Variants in TANC1 observed in about 807,000 individuals in gnomAD.
TANC1 encodes the protein tetratricopeptide repeat, ankyrin repeat and coiled-coil containing 1.
Under a neutral mutation model 149.7 loss-of-function variants are expected in TANC1, and 77 were observed. That is an observed-to-expected ratio of 0.51 (90% CI 0.43 to 0.62). The LOEUF (loss-of-function observed/expected upper bound fraction) is 0.62, where lower values mean the gene tolerates loss of function less well. Ranked by LOEUF, TANC1 falls within the 20% of genes least tolerant of loss-of-function variation. The pLI is 0.00. For missense variants in TANC1, 1,985 were observed against 2,321.8 expected, an observed-to-expected ratio of 0.85 and a Z score of 2.98; for synonymous variants, 854 against 925.0, an observed-to-expected ratio of 0.92 and a Z score of 1.39.
At chr2:159,217,250 G>A (rs569890461) in intron 19 of TANC1, among the ~76,000 whole-genome samples, 45 of 152,294 alleles carry the variant, frequency 3.0e-4, no homozygotes, top group African/African-American at 1.0e-3. Flanking sequence ...CATGGCATCC[G>A]AGCTCCAAGA....
chr2:159,097,816 G>A lies in TANC1; in HGVS notation c.241G>A (p.Val81Met). Residue 81 changes from valine (V) to methionine (M), a missense_variant, in exon 4 of 27, where the codon GTG (valine) becomes ATG (methionine). Val to Met is a conservative substitution (Grantham distance 21). Around this residue, in one of 3 missense-constraint regions of TANC1, gnomAD observed 557 missense variants for 612.9 expected, o/e 0.91. Transcript: ENST00000263635. ...ACAGTCTCACTTGGTGCAATCAAGA[G>A]TGAACAAAAAATCCCCAGGTAAACA... is the stretch of plus-strand genomic sequence containing the variant. ...PRQSHLVQSRVNKKSPGPVRK... is the reference protein window; with the variant it reads ...PRQSHLVQSRMNKKSPGPVRK... 6.2e-7 allele frequency: 1 copy of A among 1,612,956 alleles called. No individual in the cohort carries two copies. Among genetic ancestry groups the A allele is most frequent in the Non-Finnish European group, 8.5e-7 (1 of 1,179,302 alleles).
intron 2 of TANC1, among the ~76,000 whole-genome samples, chr2:159,028,887 G>A (rs562871111): frequency 1.3e-5 from 2 of 152,158 alleles, no homozygotes; most frequent in Non-Finnish European, 1.5e-5. Context: ...TCAAGCAGCT[G>A]AGACTATAGG....
At chr2:159,132,618 A>G (rs2050219872) in intron 4 of TANC1, among the ~76,000 whole-genome samples, 1 of 149,830 alleles carries the variant, frequency 6.7e-6, no homozygotes, top group Admixed American at 6.6e-5. Context: ...CCTCCAAAGT[A>G]GCTGGGACTA....
At chr2:158,977,900 C>A (rs1421007439) in intron 1 of TANC1, among the ~76,000 whole-genome samples, 1 of 152,086 alleles carries the variant, frequency 6.6e-6, no homozygotes, top group Non-Finnish European at 1.5e-5. Context: ...TGCCTCTTCC[C>A]TCACCCTACC....
chr2:159,150,141 A>G (rs954315490), intron 6 of TANC1: 11 of 426,288 alleles, frequency 2.6e-5, no homozygotes, highest in Middle Eastern at 6.1e-4. Flanking sequence ...ATCACAAAGG[A>G]GGGGAACCGA....
intron 3 of TANC1, among the ~76,000 whole-genome samples, chr2:159,067,682 C>G (rs557491117): frequency 3.9e-5 from 6 of 152,090 alleles, no homozygotes; most frequent in Non-Finnish European, 8.8e-5. Context: ...ATAAAGTTAC[C>G]TCCTAAGCTG....
At chr2:159,088,997 G>A (rs2045249703) in intron 3 of TANC1, among the ~76,000 whole-genome samples, 1 of 152,140 alleles carries the variant, frequency 6.6e-6, no homozygotes. Context: ...GGTGGTTGGG[G>A]GAGGCTTATC....
chr2:159,136,045 T>TGTGTGTGTGTGC lies in TANC1; in HGVS notation c.260-144_260-143insTGTGTGCGTGTG, dbSNP rs1559326068. 1.9e-3 allele frequency: 203 copies of TGTGTGTGTGTGC among 107,798 alleles called. 20 individuals are homozygous for TGTGTGTGTGTGC. The highest frequency in any genetic ancestry group is 2.2e-3 in the Non-Finnish European group (107 of 49,390). The allele number at this position is 107,798 out of a possible 1,614,324, so 6.7% of individuals were successfully genotyped here. A position where few individuals can be genotyped will look rare whatever the true frequency, so the allele number is the denominator to read the frequency against. On this transcript the variant is annotated intron_variant, in intron 4 of 26. Coordinates refer to ENST00000263635, the MANE Select transcript of TANC1 (RefSeq NM_033394.3). Reference sequence around the variant, plus strand: ...GTGTGTGTGTGTGTGTGTGTGTGTGTGTGTGCGCGCGCGCGCGTTTAAGGG... The same window carrying TGTGTGTGTGTGC: ...GTGTGTGTGTGTGTGTGTGTGTGTGTGTGTGTGTGTGCGTGTGCGCGCGCGCGCGTTTAAGGG...
chr2:159,050,265 C>A lies in TANC1; in HGVS notation c.-15-15631C>A, dbSNP rs142675079. Among the ~76,000 whole-genome samples, 12 of 152,238 alleles carry A rather than the reference C, an allele frequency of 7.9e-5. No homozygotes were observed. In the East Asian group the frequency reaches 2.1e-3, roughly 27 times the overall value. ...GACTACAGGCATGTGCCACCACTCC[C>A]AGCTAATTAAAAAAAAATTTTTTTT... On this transcript the variant is annotated intron_variant, in intron 2 of 26. Coordinates refer to ENST00000263635, the MANE Select transcript of TANC1 (RefSeq NM_033394.3).
chr2:159,136,894 C>T lies in TANC1; in HGVS notation c.364+596C>T, dbSNP rs1458691068. ...TATGTGTGACATTACAAATTTGCAGCATTTAACAGATATATTCATAGTTGT... is the reference window on the plus strand; with the variant it reads ...TATGTGTGACATTACAAATTTGCAGTATTTAACAGATATATTCATAGTTGT... On this transcript the variant is annotated intron_variant, in intron 5 of 26. Coordinates refer to ENST00000263635, the MANE Select transcript of TANC1 (RefSeq NM_033394.3). 5.3e-5 allele frequency among the ~76,000 whole-genome samples: 8 copies of T among 151,330 alleles called. No homozygotes were observed. The East Asian group carries it at 1.5e-3, about 29-fold the overall frequency.
At chr2:159,027,908 T>C (rs982409731) in intron 2 of TANC1, among the ~76,000 whole-genome samples, 5 of 152,276 alleles carry the variant, frequency 3.3e-5, no homozygotes, top group African/African-American at 1.2e-4. Flanking sequence ...TGGTAGAAGG[T>C]ATCACGCAGC....
chr2:159,119,065 A>G (rs1014539262), intron 4 of TANC1, among the ~76,000 whole-genome samples: 2 of 152,238 alleles, frequency 1.3e-5, no homozygotes, highest in Non-Finnish European at 2.9e-5. Context: ...GCTGAGGCGT[A>G]AAAGTAGAAT....
chr2:159,139,435 A>G (rs76076682), intron 5 of TANC1, among the ~76,000 whole-genome samples: 5,909 of 152,268 alleles, frequency 0.039, 236 homozygotes, highest in Admixed American at 0.12. Flanking sequence ...TAAGCTTCCT[A>G]TTGCTAAATC....
intron 4 of TANC1, among the ~76,000 whole-genome samples, chr2:159,116,430 A>AACAAC (rs2048250803): frequency 6.7e-6 from 1 of 148,610 alleles, no homozygotes; most frequent in Non-Finnish European, 1.5e-5. Flanking sequence ...CAGTCTCAAA[A>AACAAC]AACAACAACA....
rs552853145 is a variant in TANC1, at chr2:159,112,869, C to T, written c.259+15035C>T. 1.3e-4 allele frequency among the ~76,000 whole-genome samples: 20 copies of T among 151,944 alleles called. 1 individual carries two copies. The highest frequency in any genetic ancestry group is 1.0e-3 in the South Asian group (5 of 4,802). On this transcript the variant is annotated intron_variant, in intron 4 of 26. Coordinates refer to ENST00000263635, the MANE Select transcript of TANC1 (RefSeq NM_033394.3). The stretch of plus-strand genomic sequence containing the variant: ...GGGCTGGGATTACAGGTGTAAGCCA[C>T]CACACCCAGCCAGTATTTTTTTTTT...
Position 159,137,135 on chromosome 2 carries a change from A to G in TANC1, c.364+837A>G, listed in dbSNP as rs115532252. Among the ~76,000 whole-genome samples, 536 of 152,320 alleles carry G rather than the reference A, an allele frequency of 3.5e-3. 1 individual carries two copies. The highest frequency in any genetic ancestry group is 0.012 in the African/African-American group (518 of 41,580). ...AGCAATGCTGAAAGAGAACTCAACC[A>G]TATTTTTACTTTGGCATATCTGGCA... On this transcript the variant is annotated intron_variant, in intron 5 of 26. Transcript: ENST00000263635.
At chr2:159,089,097 T>C (rs2045262723) in intron 3 of TANC1, among the ~76,000 whole-genome samples, 1 of 152,180 alleles carries the variant, frequency 6.6e-6, no homozygotes, top group Non-Finnish European at 1.5e-5. Context: ...AGAGGCCGAC[T>C]CCAGGGTCAG....
chr2:159,057,807 G>T (rs35826593), intron 2 of TANC1, among the ~76,000 whole-genome samples: 33,327 of 152,088 alleles, frequency 0.22, 4,507 homozygotes, highest in African/African-American at 0.37. Flanking sequence ...AGAAGGCTTC[G>T]AAGATGAGGT....
At chr2:159,116,957 G>C (rs190659409) in intron 4 of TANC1, among the ~76,000 whole-genome samples, 1 of 152,188 alleles carries the variant, frequency 6.6e-6, no homozygotes, top group Admixed American at 6.5e-5. Context: ...CAAAGCCTGG[G>C]TCATTTTCAC....
Sources: gnomAD v4.1 joint callset for allele counts (sites outside exome capture counted in the v4.1 genomes callset) on GRCh38, gnomAD v4.1.1 for gene constraint, gnomAD v4.1.1 regional missense constraint, MANE v1.5 for transcripts, NCBI Gene and HGNC (gene_info 2026-07-23, HGNC 2026-07-21) for gene names.